LRRTM4: variants seen among roughly 807,000 people sequenced by gnomAD.
LRRTM4 encodes leucine-rich repeat transmembrane neuronal protein 4.
In LRRTM4, 25 loss-of-function variants were observed where a neutral mutation model predicts 47.6. The observed-to-expected ratio is 0.53, with a 90% confidence interval of 0.38 to 0.73. The LOEUF is 0.73. Ranked by LOEUF, LRRTM4 falls within the 30% of genes least tolerant of loss-of-function variation. LRRTM4 has a pLI of 0.00. For missense variants in LRRTM4, 638 were observed against 713.4 expected (o/e 0.89, Z 1.20); for synonymous variants, 311 against 269.5 (o/e 1.15, Z -1.51).
chr2:77,243,138 C>T (rs552156120), intron 3 of LRRTM4, among the ~76,000 whole-genome samples: 7 of 152,116 alleles, frequency 4.6e-5, no homozygotes, highest in Non-Finnish European at 1.0e-4. Context: ...TACGGCCAGG[C>T]ACGGTGGCTC....
intron 3 of LRRTM4, among the ~76,000 whole-genome samples, chr2:76,923,129 AATGTCTTTGT>A (rs1264646656): frequency 6.6e-6 from 1 of 152,070 alleles, no homozygotes; most frequent in Non-Finnish European, 1.5e-5. Flanking sequence ...AACTTCTGTC[AATGTCTTTGT>A]ATGTCTTTGT....
rs34184474 is a variant in LRRTM4, at chr2:76,851,755, G to GTT, written c.1552-102841_1552-102840dup. ...ATGCTTAGATTTTTAACTTTTATTC[G>GTT]TTTTTTTTTTTTTTTTTTTTGACAT... is the stretch of plus-strand genomic sequence containing the variant. On this transcript the variant is annotated intron_variant, in intron 3 of 3. Coordinates refer to ENST00000409884, the MANE Select transcript of LRRTM4 (RefSeq NM_001134745.3). 7.4e-3 allele frequency among the ~76,000 whole-genome samples: 870 copies of GTT among 117,700 alleles called. 5 individuals are homozygous for GTT. The highest frequency in any genetic ancestry group is 0.015 in the Middle Eastern group (3 of 198). The allele number at this position is 117,700 out of a possible 152,430, so 77.2% of individuals were successfully genotyped here.
At chr2:76,853,499 A>G (rs914721692) in intron 3 of LRRTM4, among the ~76,000 whole-genome samples, 2 of 152,112 alleles carry the variant, frequency 1.3e-5, no homozygotes, top group African/African-American at 2.4e-5. Flanking sequence ...CCCTTTAGAT[A>G]TTAGAGTTAT....
At chr2:76,951,692 G>T (rs1675501281) in intron 3 of LRRTM4, among the ~76,000 whole-genome samples, 1 of 151,920 alleles carries the variant, frequency 6.6e-6, no homozygotes, top group Admixed American at 6.6e-5. Context: ...GTATACACGT[G>T]CCATGGTGGT....
intron 3 of LRRTM4, among the ~76,000 whole-genome samples, chr2:77,123,213 C>CAATGAG (rs71381261): frequency 5.6e-5 from 8 of 142,978 alleles, no homozygotes; most frequent in African/African-American, 2.1e-4. Context: ...TTCAGTCTCA[C>CAATGAG]AGAGAGAGAG....
At chr2:77,275,885 T>G (rs1418259741) in intron 3 of LRRTM4, among the ~76,000 whole-genome samples, 5 of 152,086 alleles carry the variant, frequency 3.3e-5, no homozygotes, top group African/African-American at 1.2e-4. Flanking sequence ...GGAAAAATGT[T>G]AAAGTATTCA....
chr2:77,384,255 CAT>C (rs1673175218), intron 3 of LRRTM4, among the ~76,000 whole-genome samples: 1 of 150,732 alleles, frequency 6.6e-6, no homozygotes, highest in Admixed American at 6.6e-5. Flanking sequence ...CTAAACACAA[CAT>C]ATAGTTTGAT....
chr2:77,026,144 G>A (rs539317512), intron 3 of LRRTM4, among the ~76,000 whole-genome samples: 1 of 152,200 alleles, frequency 6.6e-6, no homozygotes, highest in East Asian at 1.9e-4. Flanking sequence ...ACATTCTTTG[G>A]AATGCTTTGT....
chr2:76,903,650 T>G (rs923147230), intron 3 of LRRTM4, among the ~76,000 whole-genome samples: 1 of 152,180 alleles, frequency 6.6e-6, no homozygotes, highest in Non-Finnish European at 1.5e-5. Context: ...CTAGAGAAAT[T>G]AGGACTTTGA....
At chr2:77,253,491 A>T (rs1269962639) in intron 3 of LRRTM4, among the ~76,000 whole-genome samples, 1 of 152,142 alleles carries the variant, frequency 6.6e-6, no homozygotes, top group Non-Finnish European at 1.5e-5. Context: ...TTTAAATGAT[A>T]TCTAGAGTCT....
At chr2:76,792,820 TG>T (rs1326438237) in intron 3 of LRRTM4, among the ~76,000 whole-genome samples, 1 of 152,204 alleles carries the variant, frequency 6.6e-6, no homozygotes, top group Non-Finnish European at 1.5e-5. Context: ...CTTCCTGCAC[TG>T]TGGCTTGGAA....
intron 3 of LRRTM4, among the ~76,000 whole-genome samples, chr2:77,496,165 T>A (rs909008573): frequency 1.3e-5 from 2 of 151,950 alleles, no homozygotes; most frequent in Non-Finnish European, 2.9e-5. Context: ...AATATAGATA[T>A]GTAGTTGATT....
At chr2:76,806,449 C>T (rs1047029356) in intron 3 of LRRTM4, among the ~76,000 whole-genome samples, 33 of 152,096 alleles carry the variant, frequency 2.2e-4, no homozygotes, top group East Asian at 7.8e-4. Context: ...GGCGTGGTAG[C>T]GCACGCCTGT....
At chr2:77,005,307 G>C (rs1301395981) in intron 3 of LRRTM4, among the ~76,000 whole-genome samples, 1 of 152,096 alleles carries the variant, frequency 6.6e-6, no homozygotes, top group East Asian at 1.9e-4. Context: ...ACCACACCCA[G>C]CTAACTTTTG....
intron 3 of LRRTM4, among the ~76,000 whole-genome samples, chr2:76,815,338 G>T (rs2103838051): frequency 6.6e-6 from 1 of 152,072 alleles, no homozygotes; most frequent in East Asian, 1.9e-4. Flanking sequence ...GATAGGGAGG[G>T]GCCTGGCTCC....
chr2:77,282,590 G>C (rs1013707164), intron 3 of LRRTM4, among the ~76,000 whole-genome samples: 1 of 151,566 alleles, frequency 6.6e-6, no homozygotes, highest in Admixed American at 6.6e-5. Context: ...CTAATTTCAA[G>C]CTATACTATA....
chr2:77,238,675 G>A (rs1488179797), intron 3 of LRRTM4, among the ~76,000 whole-genome samples: 2 of 151,900 alleles, frequency 1.3e-5, no homozygotes, highest in African/African-American at 2.4e-5. Context: ...TAAAACCAAA[G>A]CTAAAGAGTC....
intron 3 of LRRTM4, among the ~76,000 whole-genome samples, chr2:77,295,624 A>C (rs1676951084): frequency 6.6e-6 from 1 of 152,290 alleles, no homozygotes; most frequent in Non-Finnish European, 1.5e-5. Context: ...TAGCAGTCCA[A>C]AATGAAGGTG....
At chr2:76,909,162 C>T in intron 3 of LRRTM4, among the ~76,000 whole-genome samples, 1 of 152,166 alleles carries the variant, frequency 6.6e-6, no homozygotes, top group Non-Finnish European at 1.5e-5. Context: ...ATCAATGGAA[C>T]AGAACAGAGC....
Sources: gnomAD v4.1 joint callset for allele counts (sites outside exome capture counted in the v4.1 genomes callset) on GRCh38, gnomAD v4.1.1 for gene constraint, MANE v1.5 for transcripts, NCBI Gene and HGNC (gene_info 2026-07-23, HGNC 2026-07-21) for gene names.